Variants in PRIM2 observed in about 807,000 individuals in gnomAD.
PRIM2 encodes the protein DNA primase subunit 2.
PRIM2 carries 39 observed loss-of-function variants against 67.3 expected under a neutral mutation model. The observed-to-expected ratio is 0.58, with a 90% CI of 0.45 to 0.76. The LOEUF (loss-of-function observed/expected upper bound fraction) is 0.76, where lower values mean the gene tolerates loss of function less well. PRIM2 is among the 30% of genes least tolerant of loss of function. The pLI is 0.00. For synonymous variants in PRIM2, 143 were observed against 198.7 expected (o/e 0.72, Z 2.36); for missense variants, 398 against 598.7 (o/e 0.66, Z 3.50).
At chr6:57,236,572 C>A in the PRIM2 span, among the ~76,000 whole-genome samples, 2 of 152,084 alleles carry the variant, frequency 1.3e-5, no homozygotes, top group African/African-American at 2.4e-5. Context: ...CCTCTCCCCC[C>A]ACCCCACAAC....
the PRIM2 span, among the ~76,000 whole-genome samples, chr6:57,245,384 T>C: frequency 6.6e-6 from 1 of 152,222 alleles, no homozygotes; most frequent in South Asian, 2.1e-4. Context: ...ATGCATCACC[T>C]GCCTACCTCT....
the PRIM2 span, among the ~76,000 whole-genome samples, chr6:57,289,442 G>GAAAT: frequency 6.6e-6 from 1 of 152,180 alleles, no homozygotes; most frequent in South Asian, 2.1e-4. Flanking sequence ...TCAAATTCAG[G>GAAAT]AAATACAGGG....
Position 57,501,465 on chromosome 6 carries a change from A to G in PRIM2, c.694-5922A>G, listed in dbSNP as rs1197393817. The stretch of plus-strand genomic sequence containing the variant: ...CAGGCGCCCGCCACCAAGCCGAGCT[A>G]GTTTTTGTATTTTTAGTAGAGACGG... On this transcript the variant is annotated intron_variant, in intron 7 of 13. Transcript: ENST00000615550. Among the ~76,000 whole-genome samples, 3 of 152,048 alleles carry G rather than the reference A, an allele frequency of 2.0e-5. No individual in the cohort carries two copies. In the East Asian group the frequency reaches 5.8e-4, roughly 29 times the overall value.
the PRIM2 span, among the ~76,000 whole-genome samples, chr6:57,252,723 G>A: frequency 2.6e-5 from 4 of 152,240 alleles, no homozygotes; most frequent in African/African-American, 9.6e-5. Context: ...TTACAGGCAT[G>A]AGCCACTGTG....
intron 10 of PRIM2, among the ~76,000 whole-genome samples, chr6:57,566,979 G>A (rs1398271788): frequency 6.6e-6 from 1 of 152,094 alleles, no homozygotes; most frequent in African/African-American, 2.4e-5. Flanking sequence ...GTCCTAAAGG[G>A]TTGTTGTGAG....
rs1772771680 is a variant in PRIM2, at chr6:57,456,166, G to T, written c.694-51221G>T. Among the ~76,000 whole-genome samples the T allele has an allele frequency of 1.3e-5, 2 of 152,168 alleles. 1 individual carries two copies. The highest frequency in any genetic ancestry group is 2.9e-5 in the Non-Finnish European group (2 of 68,024). ...CTGCCGAGAGATCCGCTGTTAGTCT[G>T]ATGGGCTTCCCTTTGTGGGTAACCC... is the stretch of plus-strand genomic sequence containing the variant. On this transcript the variant is annotated intron_variant, in intron 7 of 13. Coordinates refer to ENST00000615550, the MANE Select transcript of PRIM2 (RefSeq NM_000947.5).
At chr6:57,379,045 G>T (rs1769869114) in intron 5 of PRIM2, among the ~76,000 whole-genome samples, 1 of 127,866 alleles carries the variant, frequency 7.8e-6, no homozygotes, top group Admixed American at 8.5e-5. Flanking sequence ...ATTTTTAAAG[G>T]CTATTTGATA....
upstream of PRIM2, among the ~76,000 whole-genome samples, chr6:57,311,577 C>T (rs929985586): frequency 2.6e-5 from 4 of 152,060 alleles, no homozygotes; most frequent in Admixed American, 1.3e-4. Context: ...TCCTTACATC[C>T]CAGACGATGG....
intron 10 of PRIM2, among the ~76,000 whole-genome samples, chr6:57,586,715 T>C (rs1295251624): frequency 6.6e-6 from 1 of 152,164 alleles, no homozygotes; most frequent in Admixed American, 6.5e-5. Flanking sequence ...GTACCCTCAG[T>C]CTGTGGCGTT....
chr6:57,566,274 T>G (rs1339117042), intron 10 of PRIM2, among the ~76,000 whole-genome samples: 2 of 152,126 alleles, frequency 1.3e-5, no homozygotes, highest in African/African-American at 4.8e-5. Flanking sequence ...TACTTTATTT[T>G]TCATATTATG....
chr6:57,293,814 T>C, the PRIM2 span, among the ~76,000 whole-genome samples: 261 of 140,766 alleles, frequency 1.9e-3, 1 homozygote, highest in Middle Eastern at 3.7e-3. Context: ...GGGTGGGGAA[T>C]GTCACACACT....
intron 12 of PRIM2, among the ~76,000 whole-genome samples, chr6:57,627,046 C>T (rs1282843756): frequency 6.6e-6 from 1 of 151,202 alleles, no homozygotes; most frequent in African/African-American, 2.4e-5. Context: ...TTTTGGAGAC[C>T]GAGGCTGGTG....
intron 7 of PRIM2, among the ~76,000 whole-genome samples, chr6:57,410,119 G>A (rs1771034935): frequency 1.3e-5 from 2 of 152,002 alleles, no homozygotes; most frequent in Admixed American, 1.3e-4. Context: ...AGGAGTTTGA[G>A]ACCAGCCTGG....
chr6:57,323,747 C>T lies in PRIM2; in HGVS notation c.259-454C>T, dbSNP rs577125689. On this transcript the variant is annotated intron_variant, in intron 3 of 13. Transcript: ENST00000615550. ...CGTATACCTATGTAACAAACCTGCA[C>T]ATTCTGCACATGTATCCCAGAACTT... Among the ~76,000 whole-genome samples the T allele has an allele frequency of 3.3e-5, 5 of 150,394 alleles. No homozygotes were observed. In the East Asian group the frequency reaches 7.8e-4, roughly 24 times the overall value.
the PRIM2 span, among the ~76,000 whole-genome samples, chr6:57,290,601 G>T: frequency 1.1e-4 from 17 of 152,202 alleles, no homozygotes; most frequent in African/African-American, 4.1e-4. Context: ...CCACGTAATT[G>T]GAAGTAAAGC....
chr6:57,617,992 G>A (rs1165647764), intron 12 of PRIM2, among the ~76,000 whole-genome samples: 1 of 152,188 alleles, frequency 6.6e-6, no homozygotes, highest in Admixed American at 6.5e-5. Context: ...TTCTTGAAGA[G>A]ACAGTTTCCC....
intron 5 of PRIM2, among the ~76,000 whole-genome samples, chr6:57,346,992 G>C (rs1768697413): frequency 1.3e-5 from 2 of 152,026 alleles, no homozygotes; most frequent in African/African-American, 2.4e-5. Flanking sequence ...TTCTGGACTT[G>C]TCTCCATTTA....
intron 10 of PRIM2, among the ~76,000 whole-genome samples, chr6:57,562,350 C>T (rs1775649946): frequency 6.6e-6 from 1 of 152,110 alleles, no homozygotes; most frequent in Non-Finnish European, 1.5e-5. Context: ...AATGCGCTAT[C>T]TATGAAGCAC....
chr6:57,301,815 C>T, the PRIM2 span, among the ~76,000 whole-genome samples: 2 of 152,174 alleles, frequency 1.3e-5, no homozygotes, highest in Non-Finnish European at 2.9e-5. Context: ...GGGCAAGACT[C>T]TGTCTCAATA....
Sources: gnomAD v4.1 joint callset for allele counts (sites outside exome capture counted in the v4.1 genomes callset) on GRCh38, gnomAD v4.1.1 for gene constraint, MANE v1.5 for transcripts, NCBI Gene and HGNC (gene_info 2026-07-23, HGNC 2026-07-21) for gene names.